Variants in ARHGAP22 observed in about 807,000 individuals in gnomAD.
ARHGAP22 encodes rho GTPase-activating protein 22.
Under a neutral mutation model 59.1 loss-of-function variants are expected in ARHGAP22, and 48 were observed. The ratio of observed to expected loss-of-function variants is 0.81; its 90% CI spans 0.64 to 1.03. ARHGAP22 has a LOEUF of 1.03. Among genes scored for constraint, ARHGAP22 ranks in the 50% least tolerant of loss-of-function variants. ARHGAP22 has a pLI of 0.00. For synonymous variants in ARHGAP22, 445 were observed against 416.4 expected, an observed-to-expected ratio of 1.07 and a Z score of -0.84; for missense variants, 1,015 against 958.7, an observed-to-expected ratio of 1.06 and a Z score of -0.78.
intron 1 of ARHGAP22, among the ~76,000 whole-genome samples, chr10:48,593,360 A>G (rs1263189048): frequency 2.6e-5 from 4 of 152,348 alleles, no homozygotes; most frequent in African/African-American, 9.6e-5. Context: ...AGCCAGGGAT[A>G]TATTCTTAGA....
At chr10:48,447,840 C>T (rs1215224457) in intron 9 of ARHGAP22, among the ~76,000 whole-genome samples, 1 of 152,210 alleles carries the variant, frequency 6.6e-6, no homozygotes. Context: ...GATGTCCTCC[C>T]CTAAGTCCAT....
At position 48,451,026 on chromosome 10, in the gene ARHGAP22, A is replaced by T. The variant is rs1213399983; in HGVS notation, c.1103T>A (p.Val368Glu). ...GGTGACCTCCTCGGAGCCCCACCCC[A>T]CTGCGCATTGCAGGCCCCCGCGCGG... ...TSPRGGLQCAVGWGSEEVTRD... is the reference protein window; with the variant it reads ...TSPRGGLQCAEGWGSEEVTRD... Residue 368 changes from valine to glutamate, a missense_variant, in exon 9 of 10, where the codon GTG becomes GAG. Coordinates refer to ENST00000249601, the MANE Select transcript of ARHGAP22 (RefSeq NM_021226.4). 5.1e-6 allele frequency: 8 copies of T among 1,553,960 alleles called. No individual in the cohort carries two copies. In the South Asian group the frequency reaches 9.5e-5, roughly 18 times the overall value.
chr10:48,485,892 A>AT (rs2049808273), intron 3 of ARHGAP22, among the ~76,000 whole-genome samples: 1 of 152,040 alleles, frequency 6.6e-6, no homozygotes, highest in Admixed American at 6.6e-5. Context: ...TTTTAAGTGC[A>AT]TTTTTTATCA....
intron 3 of ARHGAP22, among the ~76,000 whole-genome samples, chr10:48,539,307 T>TTTTTTTTTTTG (rs1260202528): frequency 2.0e-5 from 3 of 148,160 alleles, no homozygotes; most frequent in Admixed American, 1.3e-4. Flanking sequence ...TTTTTTTTTT[T>TTTTTTTTTTTG]TTGAGACGGA....
intron 3 of ARHGAP22, among the ~76,000 whole-genome samples, chr10:48,492,650 T>G (rs761190881): frequency 3.3e-5 from 5 of 152,206 alleles, no homozygotes; most frequent in Non-Finnish European, 7.4e-5. Context: ...GCTTCCCAGG[T>G]TCAAGTGATT....
chr10:48,509,340 T>C (rs570698948), intron 3 of ARHGAP22, among the ~76,000 whole-genome samples: 2 of 152,264 alleles, frequency 1.3e-5, no homozygotes, highest in South Asian at 4.1e-4. Context: ...CCCCAGTCAG[T>C]GGAGCAGAGG....
intron 1 of ARHGAP22, among the ~76,000 whole-genome samples, chr10:48,646,335 T>C (rs771819452): frequency 6.6e-6 from 1 of 152,208 alleles, no homozygotes; most frequent in Non-Finnish European, 1.5e-5. Context: ...GAAATTGGCA[T>C]GCTAATTTGA....
the ARHGAP22 span, among the ~76,000 whole-genome samples, chr10:48,432,842 T>A: frequency 6.6e-6 from 1 of 152,234 alleles, no homozygotes; most frequent in Non-Finnish European, 1.5e-5. Flanking sequence ...AGACTTTTTC[T>A]GGATCCTCAG....
intron 2 of ARHGAP22, among the ~76,000 whole-genome samples, chr10:48,566,411 G>A (rs976178224): frequency 1.3e-5 from 2 of 152,114 alleles, no homozygotes; most frequent in Non-Finnish European, 1.5e-5. Context: ...TATCACACAA[G>A]CCTGTAACCA....
intron 3 of ARHGAP22, among the ~76,000 whole-genome samples, chr10:48,488,421 C>T (rs1311828642): frequency 1.5e-4 from 23 of 152,132 alleles, no homozygotes; most frequent in Admixed American, 1.5e-3. Context: ...CCTGTTATTT[C>T]TAATTAGTTG....
At chr10:48,620,663 C>A (rs1024964312) in intron 1 of ARHGAP22, among the ~76,000 whole-genome samples, 1 of 152,136 alleles carries the variant, frequency 6.6e-6, no homozygotes, top group Non-Finnish European at 1.5e-5. Flanking sequence ...AAGCTGAAAT[C>A]CAGCATGGGG....
chr10:48,550,552 A>G (rs1041741916), intron 3 of ARHGAP22, among the ~76,000 whole-genome samples: 5 of 152,240 alleles, frequency 3.3e-5, no homozygotes, highest in Admixed American at 6.5e-5. Context: ...CACATCTCCC[A>G]GGCATGATGG....
intron 1 of ARHGAP22, among the ~76,000 whole-genome samples, chr10:48,632,791 TCTGCAGATGC>T (rs2061672811): frequency 6.6e-6 from 1 of 152,226 alleles, no homozygotes; most frequent in Non-Finnish European, 1.5e-5. Flanking sequence ...ATTTGCTGTG[TCTGCAGATGC>T]CAGAGCGAAA....
chr10:48,465,924 C>T (rs1257514960), intron 4 of ARHGAP22, among the ~76,000 whole-genome samples: 4 of 152,138 alleles, frequency 2.6e-5, no homozygotes, highest in Non-Finnish European at 5.9e-5. Flanking sequence ...ACTCACTGGC[C>T]GGCCAACTCT....
chr10:48,539,290 C>CTTTTTTTTTTTTTTTTTTTTTT lies in ARHGAP22; in HGVS notation c.322+16172_322+16173insAAAAAAAAAAAAAAAAAAAAAA, dbSNP rs553835954. On this transcript the variant is annotated intron_variant, in intron 3 of 9. Transcript: ENST00000249601. ...CTAACAATTAGTATGAGAAGGGTAACATTTTTTTTTTTTTTTTTTGAGACG... is the reference window on the plus strand; with the variant it reads ...CTAACAATTAGTATGAGAAGGGTAACTTTTTTTTTTTTTTTTTTTTTTATTTTTTTTTTTTTTTTTTGAGACG... Among the ~76,000 whole-genome samples, 6 of 129,334 alleles carry CTTTTTTTTTTTTTTTTTTTTTT rather than the reference C, an allele frequency of 4.6e-5. 1 individual carries two copies. Among genetic ancestry groups the CTTTTTTTTTTTTTTTTTTTTTT allele is most frequent in the African/African-American group, 6.3e-5 (2 of 32,000 alleles). 84.8% of individuals were successfully genotyped at this position (129,334 alleles called of 152,430 possible).
intron 3 of ARHGAP22, among the ~76,000 whole-genome samples, chr10:48,554,941 T>C (rs889362179): frequency 6.6e-6 from 1 of 152,238 alleles, no homozygotes; most frequent in Non-Finnish European, 1.5e-5. Flanking sequence ...CTGGCTTCTC[T>C]GCAAGGCACT....
chr10:48,524,140 C>A, intron 3 of ARHGAP22: 2 of 1,261,128 alleles, frequency 1.6e-6, no homozygotes, highest in Admixed American at 4.0e-5. Context: ...CGGCTCCTCT[C>A]CCCGCCTGCC....
rs945393096 is a variant in ARHGAP22 at position 48,480,863 on chromosome 10, T to C, written c.323-1099A>G. ...AGATTCAAGTCCCGACTCTGGGCTC[T>C]CAGCCATCCCACTCTCCCTCCTGCC... On this transcript the variant is annotated intron_variant, in intron 3 of 9. Coordinates refer to ENST00000249601, the MANE Select transcript of ARHGAP22 (RefSeq NM_021226.4). Among the ~76,000 whole-genome samples, 48 of 152,230 alleles carry C rather than the reference T, an allele frequency of 3.2e-4. 1 individual carries two copies. The highest frequency in any genetic ancestry group is 2.0e-4 in the Admixed American group (3 of 15,286).
At chr10:48,468,955 T>G (rs2133932342) in intron 4 of ARHGAP22, among the ~76,000 whole-genome samples, 1 of 152,220 alleles carries the variant, frequency 6.6e-6, no homozygotes, top group South Asian at 2.1e-4. Flanking sequence ...GAGCCTGGCA[T>G]TCCCACGGCC....
Sources: allele counts gnomAD v4.1 joint callset (sites outside exome capture counted in the v4.1 genomes callset), GRCh38; gene constraint gnomAD v4.1.1; transcripts MANE v1.5; gene names NCBI Gene and HGNC (gene_info 2026-07-23, HGNC 2026-07-21).